The following KCNA2 variants were observed in gnomAD, a reference collection of about 807,000 sequenced individuals.
KCNA2 encodes potassium channel, voltage gated shaker related subfamily A, member 2.
In KCNA2, 11 loss-of-function variants were observed where a neutral mutation model predicts 33.4. The ratio of observed to expected loss-of-function variants is 0.33; its 90% confidence interval spans 0.21 to 0.55. The LOEUF (loss-of-function observed/expected upper bound fraction) is 0.55. KCNA2 is among the 20% of genes least tolerant of loss of function. KCNA2 has a pLI of 0.93. For missense variants in KCNA2, 291 were observed against 621.6 expected (o/e 0.47, Z 5.66); for synonymous variants, 222 against 231.3 (o/e 0.96, Z 0.37).
chr1:110,601,560 A>G lies in KCNA2; in HGVS notation c.*1723T>C, dbSNP rs1487694674. On this transcript the variant is annotated 3_prime_UTR_variant, in exon 3 of 3. Transcript: ENST00000316361. ...CCACAGGGCCCTTGTGCACTCAGTA[A>G]GACAAGCTTCAGCCATGGGAACTGA... 3 of 987,722 alleles carry G rather than the reference A, an allele frequency of 3.0e-6. No homozygotes were observed. The highest frequency in any genetic ancestry group is 4.7e-5 in the South Asian group (1 of 21,330). The allele number at this position is 987,722 out of a possible 1,614,324, so 61.2% of individuals were successfully genotyped here.
rs895250897 is a variant in KCNA2, at chr1:110,593,971, C to A, written c.*9312G>T. ...AAACAAATAGTTAAATGACTCCCAACTCCCATGAGTCTTCCCCGCAAGTCC... is the reference window on the plus strand; with the variant it reads ...AAACAAATAGTTAAATGACTCCCAAATCCCATGAGTCTTCCCCGCAAGTCC... On this transcript the variant is annotated 3_prime_UTR_variant, in exon 3 of 3. Transcript: ENST00000316361. The A allele has an allele frequency of 1.9e-6, 3 of 1,549,050 alleles. No homozygotes were observed. Among genetic ancestry groups the A allele is most frequent in the Non-Finnish European group, 2.6e-6 (3 of 1,146,384 alleles).
chr1:110,601,336 C>G lies in KCNA2; in HGVS notation c.*1947G>C. The G allele has an allele frequency of 1.0e-6, 1 of 985,392 alleles. No homozygotes were observed. The highest frequency in any genetic ancestry group is 1.2e-6 in the Non-Finnish European group (1 of 829,920). The allele number at this position is 985,392 out of a possible 1,614,324, so 61.0% of individuals were successfully genotyped here. On this transcript the variant is annotated 3_prime_UTR_variant, in exon 3 of 3. Coordinates refer to ENST00000316361, the MANE Select transcript of KCNA2 (RefSeq NM_004974.4). ...GAATTTGGTCCCAGGGAGTCCTACT[C>G]CTTGGTGTCCTTGGTTTCAAAGCAG... is the stretch of plus-strand genomic sequence containing the variant.
At position 110,603,605 on chromosome 1, in the gene KCNA2, A is replaced by C. The variant is rs1649458792; in HGVS notation, c.1178T>G (p.Leu393Arg). ...TTIGGKIVGS[L>R]CAIAGVLTIA... is the part of the protein sequence containing the mutation. ...AGTTAACACACCTGCAATCGCACAT[A>C]GGGAACCCACTATCTTTCCCCCAAT... The change falls in exon 3 of 3, where the codon CTA (leucine) becomes CGA (arginine). Residue 393 changes from leucine (L) to arginine (R), a missense_variant. By Grantham distance (102) the Leu-to-Arg change is moderately radical. Around this residue, in one of 5 missense-constraint regions of KCNA2, gnomAD observed 9 missense variants for 77.4 expected, o/e 0.12. Transcript: ENST00000316361. The surrounding 1 kb of genome is among the most constrained non-coding windows in gnomAD (Gnocchi z 5.7). The C allele has an allele frequency of 6.2e-7, 1 of 1,614,006 alleles. No homozygotes were observed. The highest frequency in any genetic ancestry group is 1.3e-5 in the African/African-American group (1 of 74,924).
At chr1:110,626,373 C>T (rs758028830) in intron 1 of KCNA2, among the ~76,000 whole-genome samples, 4 of 151,786 alleles carry the variant, frequency 2.6e-5, no homozygotes, top group Non-Finnish European at 4.4e-5. Context: ...TAGTGTGCTA[C>T]TTTTGAGTAC....
chr1:110,607,668 G>A (rs1013925052), upstream of KCNA2: 5 of 152,470 alleles, frequency 3.3e-5, no homozygotes, highest in Admixed American at 6.5e-5. Flanking sequence ...AGAAGTTGAG[G>A]GGCACTGGTG....
At chr1:110,620,887 C>T (rs554496474) in intron 1 of KCNA2, among the ~76,000 whole-genome samples, 1 of 152,306 alleles carries the variant, frequency 6.6e-6, no homozygotes, top group Admixed American at 6.5e-5. Flanking sequence ...ACAACCTGAA[C>T]ATTTGTAACA....
intron 1 of KCNA2, among the ~76,000 whole-genome samples, chr1:110,624,391 C>T (rs1650339525): frequency 6.6e-6 from 1 of 152,222 alleles, no homozygotes; most frequent in African/African-American, 2.4e-5. Context: ...ACATAAGAAA[C>T]ACATATCATA....
At position 110,601,027 on chromosome 1, in the gene KCNA2, A is replaced by G. The variant is rs558816723; in HGVS notation, c.*2256T>C. On this transcript the variant is annotated 3_prime_UTR_variant, in exon 3 of 3. Coordinates refer to ENST00000316361, the MANE Select transcript of KCNA2 (RefSeq NM_004974.4). ...AAAGGCAAAGACGCCCAGTCTGGTG[A>G]GTTAAAAGCCCCCTACCTGAAGCCA... 661 of 985,510 alleles carry G rather than the reference A, an allele frequency of 6.7e-4. No homozygotes were observed. The highest frequency in any genetic ancestry group is 7.5e-4 in the Non-Finnish European group (626 of 830,006). 61.0% of individuals were successfully genotyped at this position (985,510 alleles called of 1,614,324 possible).
intron 1 of KCNA2, among the ~76,000 whole-genome samples, chr1:110,627,305 C>A (rs554624766): frequency 6.6e-6 from 1 of 152,098 alleles, no homozygotes; most frequent in African/African-American, 2.4e-5. Flanking sequence ...ATTAATGAGA[C>A]GCTGGAAAGA....
At position 110,596,827 on chromosome 1, in the gene KCNA2, C is replaced by T. The variant is rs1398218165; in HGVS notation, c.*6456G>A. On this transcript the variant is annotated 3_prime_UTR_variant, in exon 3 of 3. Coordinates refer to ENST00000316361, the MANE Select transcript of KCNA2 (RefSeq NM_004974.4). ...ATCAGTTAACTGAGGTTTTGCTGTA[C>T]ATATGTGTATAGAGCAAGGTAGATC... 3 of 985,256 alleles carry T rather than the reference C, an allele frequency of 3.0e-6. No individual in the cohort carries two copies. The highest frequency in any genetic ancestry group is 1.7e-5 in the African/African-American group (1 of 57,206). 61.0% of individuals were successfully genotyped at this position (985,256 alleles called of 1,614,324 possible).
Position 110,603,116 on chromosome 1 carries a change from T to C in KCNA2, c.*167A>G, listed in dbSNP as rs1649429463. The C allele has an allele frequency of 2.8e-6, 4 of 1,429,706 alleles. No homozygotes were observed. Among genetic ancestry groups the C allele is most frequent in the South Asian group, 1.6e-5 (1 of 64,288 alleles). The allele number at this position is 1,429,706 out of a possible 1,614,324, so 88.6% of individuals were successfully genotyped here. A position where few individuals can be genotyped will look rare whatever the true frequency, so the allele number is the denominator to read the frequency against. Reference sequence around the variant, plus strand: ...GGATGTGCATGAAAGCCATGATAGATATTCTGTGTTCTAAATCAAAAGTCA... The same window carrying C: ...GGATGTGCATGAAAGCCATGATAGACATTCTGTGTTCTAAATCAAAAGTCA... On this transcript the variant is annotated 3_prime_UTR_variant, in exon 3 of 3. Transcript: ENST00000316361. This position sits in a 1 kb window ranked among gnomAD's most constrained non-coding sequence, Gnocchi z 5.7.
In KCNA2 at chr1:110,613,639, A is replaced by T. The variant is rs141602303; in HGVS notation, c.-495-7917T>A. On this transcript the variant is annotated intron_variant, in intron 1 of 4. Coordinates refer to the KCNA2 transcript ENST00000369770. ...CAAGAGGGAAGACCAGCCTTGCACC[A>T]GTCACTACTACCAGGAGGAGGATGC... is the stretch of plus-strand genomic sequence containing the variant. Among the ~76,000 whole-genome samples the T allele has an allele frequency of 4.1e-3, 622 of 152,350 alleles. 2 individuals are homozygous for T. Among genetic ancestry groups the T allele is most frequent in the African/African-American group, 0.014 (585 of 41,574 alleles).
At position 110,600,415 on chromosome 1, in the gene KCNA2, G is replaced by T. The variant is rs1570749576; in HGVS notation, c.*2868C>A. 1 of 984,660 alleles carries T rather than the reference G, an allele frequency of 1.0e-6. No individual in the cohort carries two copies. The highest frequency in any genetic ancestry group is 1.2e-6 in the Non-Finnish European group (1 of 829,764). 61.0% of individuals were successfully genotyped at this position (984,660 alleles called of 1,614,324 possible). A position where few individuals can be genotyped will look rare whatever the true frequency, so the allele number is the denominator to read the frequency against. ...GTTTCAGGTTGTATATTTGTATGTGGTGTATGTTTGTCTTTTGTGTATGTT... is the reference window on the plus strand; with the variant it reads ...GTTTCAGGTTGTATATTTGTATGTGTTGTATGTTTGTCTTTTGTGTATGTT... On this transcript the variant is annotated 3_prime_UTR_variant, in exon 3 of 3. Transcript: ENST00000316361.
In KCNA2 at chr1:110,596,173, A is replaced by G; in HGVS notation, c.*7110T>C. 1.0e-6 allele frequency: 1 copy of G among 985,284 alleles called. No individual in the cohort carries two copies. The highest frequency in any genetic ancestry group is 1.2e-6 in the Non-Finnish European group (1 of 829,794). 61.0% of individuals were successfully genotyped at this position (985,284 alleles called of 1,614,324 possible). A position where few individuals can be genotyped will look rare whatever the true frequency, so the allele number is the denominator to read the frequency against. On this transcript the variant is annotated 3_prime_UTR_variant, in exon 3 of 3. Transcript: ENST00000316361. ...GTCCCTAAGCAGAAAAAAAAAGAGT[A>G]GAACTGGAGAGGTGAAAAGAATGCA... is the stretch of plus-strand genomic sequence containing the variant.
intron 1 of KCNA2, among the ~76,000 whole-genome samples, chr1:110,614,298 C>T (rs1167605490): frequency 2.0e-5 from 3 of 152,210 alleles, no homozygotes; most frequent in Admixed American, 6.5e-5. Flanking sequence ...GTATCAAAGT[C>T]TCCAGAGGAG....
At position 110,594,627 on chromosome 1, in the gene KCNA2, C is replaced by T; in HGVS notation, c.*8656G>A. Reference sequence around the variant, plus strand: ...AGAGCTTGATCATGGGACTTTCCAGCTTCCTGGGGCCCTTCAAATGAAGGA... The same window carrying T: ...AGAGCTTGATCATGGGACTTTCCAGTTTCCTGGGGCCCTTCAAATGAAGGA... On this transcript the variant is annotated 3_prime_UTR_variant, in exon 3 of 3. Transcript: ENST00000316361. 1.0e-6 allele frequency: 1 copy of T among 985,362 alleles called. No homozygotes were observed. Among genetic ancestry groups the T allele is most frequent in the Non-Finnish European group, 1.2e-6 (1 of 829,940 alleles). The allele number at this position is 985,362 out of a possible 1,614,324, so 61.0% of individuals were successfully genotyped here.
At chr1:110,619,244 T>C (rs950279137) in intron 1 of KCNA2, among the ~76,000 whole-genome samples, 2 of 152,238 alleles carry the variant, frequency 1.3e-5, no homozygotes, top group African/African-American at 4.8e-5. Flanking sequence ...CATTACTTTA[T>C]GTAATTCCTT....
upstream of KCNA2, among the ~76,000 whole-genome samples, chr1:110,609,614 C>T (rs1046992253): frequency 5.9e-5 from 9 of 152,196 alleles, no homozygotes; most frequent in African/African-American, 2.2e-4. Flanking sequence ...AGATCTTCCT[C>T]TGACCTCTGC....
chr1:110,597,097 G>A lies in KCNA2; in HGVS notation c.*6186C>T. The A allele has an allele frequency of 1.0e-6, 1 of 985,444 alleles. No homozygotes were observed. The highest frequency in any genetic ancestry group is 1.2e-6 in the Non-Finnish European group (1 of 829,948). 61.0% of individuals were successfully genotyped at this position (985,444 alleles called of 1,614,324 possible). ...AACCCACAAGAACCTGCTTCCTTCT[G>A]CAGCTCTCACGGAGTCCCTTTGGTT... is the stretch of plus-strand genomic sequence containing the variant. On this transcript the variant is annotated 3_prime_UTR_variant, in exon 3 of 3. Transcript: ENST00000316361.
Sources: allele counts gnomAD v4.1 joint callset (sites outside exome capture counted in the v4.1 genomes callset), GRCh38; gene constraint gnomAD v4.1.1; regional missense constraint gnomAD v4.1.1; non-coding constraint Gnocchi (gnomAD v3.1); transcripts MANE v1.5; gene names NCBI Gene and HGNC (gene_info 2026-07-23, HGNC 2026-07-21).